NRP2: variants seen among roughly 807,000 people sequenced by gnomAD.
The protein encoded by NRP2 is neuropilin 2, also known as neuropilin-2.
In NRP2, 52 loss-of-function variants were observed where a neutral mutation model predicts 110.4. That is an observed-to-expected ratio of 0.47 (90% CI 0.38 to 0.59). The LOEUF (loss-of-function observed/expected upper bound fraction) is 0.59. NRP2 is among the 20% of genes least tolerant of loss of function. The pLI, the probability that NRP2 is intolerant of heterozygous loss-of-function variation, is 0.00. For synonymous variants in NRP2, 508 were observed against 468.9 expected, an observed-to-expected ratio of 1.08 and a Z score of -1.08; for missense variants, 1,049 against 1,203.0, an observed-to-expected ratio of 0.87 and a Z score of 1.89.
At chr2:205,710,895 A>G (rs2056784542) in intron 2 of NRP2, among the ~76,000 whole-genome samples, 1 of 152,266 alleles carries the variant, frequency 6.6e-6, no homozygotes, top group Non-Finnish European at 1.5e-5. Flanking sequence ...TGAAAGTGTG[A>G]GAAAAATCTC....
intron 12 of NRP2, among the ~76,000 whole-genome samples, chr2:205,760,191 A>G (rs190066866): frequency 2.0e-5 from 3 of 152,218 alleles, no homozygotes; most frequent in Admixed American, 2.0e-4. Context: ...CAGGTGTTCA[A>G]TGTGTTCATT....
In NRP2 at chr2:205,745,817, G is replaced by A; in HGVS notation, c.1713G>A (p.Val571=). 1 of 1,614,238 alleles carries A rather than the reference G, an allele frequency of 6.2e-7. No homozygotes were observed. The highest frequency in any genetic ancestry group is 1.1e-5 in the South Asian group (1 of 91,080). Residue 571 remains valine (V), a synonymous_variant, in exon 10 of 17, where the codon GTG becomes GTA. Transcript: ENST00000357785. ...TTGACCCCATTCCGGCACAGTATGT[G>A]CGGGTATACCCGGAGAGGTGGTCGC... ...RRFDPIPAQY[V]RVYPERWSPA... is the part of the protein sequence containing the mutation.
At chr2:205,716,791 T>C (rs1170837209) in intron 3 of NRP2, among the ~76,000 whole-genome samples, 1 of 152,186 alleles carries the variant, frequency 6.6e-6, no homozygotes, top group Non-Finnish European at 1.5e-5. Context: ...AATCTTTTCA[T>C]TGTTTGGAGT....
intron 2 of NRP2, among the ~76,000 whole-genome samples, chr2:205,710,791 G>A (rs2056781816): frequency 6.6e-6 from 1 of 152,162 alleles, no homozygotes; most frequent in South Asian, 2.1e-4. Flanking sequence ...ATAAGACAGT[G>A]TTTGTAGATG....
At chr2:205,698,026 A>G (rs926167323) in intron 2 of NRP2, 4 of 410,850 alleles carry the variant, frequency 9.7e-6, no homozygotes, top group African/African-American at 4.1e-5. Flanking sequence ...ACAAAACTCT[A>G]CTCTTGACTT....
At chr2:205,735,919 G>T (rs1034435730) in intron 7 of NRP2, among the ~76,000 whole-genome samples, 1 of 152,056 alleles carries the variant, frequency 6.6e-6, no homozygotes. Flanking sequence ...TTTTAAATAC[G>T]CACACACATA....
rs1044603971 is a variant in NRP2, at chr2:205,763,604, G to A, written c.2045-70G>A. The stretch of plus-strand genomic sequence containing the variant: ...TCAGTCCCAACTTTCCCTTGGAGAG[G>A]CCACAGCAGCACACTGGTGTCTTTC... On this transcript the variant is annotated intron_variant, in intron 12 of 16. Coordinates refer to ENST00000357785, the MANE Select transcript of NRP2 (RefSeq NM_003872.3). The surrounding 1 kb of genome is among the most constrained non-coding windows in gnomAD (Gnocchi z 4.0). 3 of 1,600,948 alleles carry A rather than the reference G, an allele frequency of 1.9e-6. No individual in the cohort carries two copies. The highest frequency in any genetic ancestry group is 2.6e-6 in the Non-Finnish European group (3 of 1,169,592).
At chr2:205,752,350 C>G (rs1482531244) in intron 11 of NRP2, 3 of 205,924 alleles carry the variant, frequency 1.5e-5, no homozygotes, top group Middle Eastern at 2.1e-3. Flanking sequence ...AGGTCACTTT[C>G]TCCTCACTGG....
chr2:205,730,052 T>C (rs1007078414), intron 7 of NRP2, among the ~76,000 whole-genome samples: 1 of 152,172 alleles, frequency 6.6e-6, no homozygotes, highest in Non-Finnish European at 1.5e-5. Flanking sequence ...TCATCCTTTG[T>C]GTACTTAGAA....
chr2:205,695,591 A>G (rs1434977164), intron 1 of NRP2, among the ~76,000 whole-genome samples: 4 of 152,172 alleles, frequency 2.6e-5, no homozygotes, highest in African/African-American at 9.7e-5. Context: ...CCTCTGACGA[A>G]TTCCAAGGCA....
intron 15 of NRP2, among the ~76,000 whole-genome samples, chr2:205,771,272 C>G (rs953849051): frequency 6.6e-6 from 1 of 152,192 alleles, no homozygotes; most frequent in Non-Finnish European, 1.5e-5. Flanking sequence ...CTCAGGGATG[C>G]CTTTGTGCTT....
intron 2 of NRP2, 94 bp downstream of exon 2, chr2:205,697,815 C>T: frequency 8.1e-7 from 1 of 1,228,148 alleles, no homozygotes; most frequent in Non-Finnish European, 1.2e-6. Context: ...ACCCCTCACC[C>T]CAAGACCTGC....
At chr2:205,724,975 C>T (rs1021430668) in intron 5 of NRP2, among the ~76,000 whole-genome samples, 1 of 152,088 alleles carries the variant, frequency 6.6e-6, no homozygotes, top group Non-Finnish European at 1.5e-5. Context: ...CCCCACATAA[C>T]TTTAAAGACT....
chr2:205,719,479 A>G (rs1300742338), intron 3 of NRP2, among the ~76,000 whole-genome samples: 1 of 152,222 alleles, frequency 6.6e-6, no homozygotes, highest in East Asian at 1.9e-4. Flanking sequence ...GAAACAAAAA[A>G]AAAAAAAAGG....
intron 15 of NRP2, among the ~76,000 whole-genome samples, chr2:205,785,634 G>A (rs2058227866): frequency 6.6e-6 from 1 of 152,202 alleles, no homozygotes; most frequent in Non-Finnish European, 1.5e-5. Flanking sequence ...GCACAATTGT[G>A]AAGCCTATCT....
intron 15 of NRP2, 128 bp from the exon 16 acceptor site, chr2:205,792,107 A>G: frequency 1.4e-6 from 1 of 705,808 alleles, no homozygotes; most frequent in Non-Finnish European, 2.6e-6. Context: ...TGAATGATCT[A>G]GAAGTAGAGG....
chr2:205,708,338 G>A (rs752185155), intron 2 of NRP2, among the ~76,000 whole-genome samples: 9 of 152,202 alleles, frequency 5.9e-5, no homozygotes, highest in Non-Finnish European at 1.2e-4. Flanking sequence ...TGTGTGTGCT[G>A]GTCCAGAAGC....
chr2:205,705,148 C>A (rs1258972253), intron 2 of NRP2, among the ~76,000 whole-genome samples: 2 of 150,662 alleles, frequency 1.3e-5, no homozygotes, highest in East Asian at 1.9e-4. Context: ...TAATTTAATT[C>A]CATTCTTATA....
intron 7 of NRP2, among the ~76,000 whole-genome samples, chr2:205,739,682 CT>C (rs3047659): frequency 0.045 from 5,633 of 124,872 alleles, 112 homozygotes; most frequent in Admixed American, 0.08. Flanking sequence ...GCTCTAGTTA[CT>C]TTTTTTTTTT....
Sources: gnomAD v4.1 joint callset for allele counts (sites outside exome capture counted in the v4.1 genomes callset) on GRCh38, gnomAD v4.1.1 for gene constraint, Gnocchi (gnomAD v3.1) non-coding constraint, MANE v1.5 for transcripts, NCBI Gene and HGNC (gene_info 2026-07-23, HGNC 2026-07-21) for gene names.